Variants in PGC observed in about 807,000 individuals in gnomAD.
PGC encodes progastricsin.
A neutral mutation model predicts 45.9 loss-of-function variants in PGC; 31 were observed. The observed-to-expected ratio is 0.67, with a 90% CI of 0.51 to 0.91. The LOEUF is 0.91. Ranked by LOEUF, PGC falls within the 40% of genes least tolerant of loss-of-function variation. The pLI is 0.00. For synonymous variants in PGC, 192 were observed against 201.8 expected, an observed-to-expected ratio of 0.95 and a Z score of 0.41; for missense variants, 477 against 493.2, an observed-to-expected ratio of 0.97 and a Z score of 0.31.
rs559390047 is a variant in PGC at position 41,741,237 on chromosome 6, C to G, written c.648-627G>C. On this transcript the variant is annotated intron_variant, in intron 5 of 8. Transcript: ENST00000373025. Reference sequence around the variant, plus strand: ...GCTGGGTGGAGCTGCTCTGTTTACACGCAGAGGAATCATAAACAGAGGTGG... The same window carrying G: ...GCTGGGTGGAGCTGCTCTGTTTACAGGCAGAGGAATCATAAACAGAGGTGG... The G allele has an allele frequency of 2.7e-6, 4 of 1,457,178 alleles. No homozygotes were observed. The Admixed American group carries it at 9.9e-5, about 36-fold the overall frequency. 90.3% of individuals were successfully genotyped at this position (1,457,178 alleles called of 1,614,324 possible).
chr6:41,738,264 GC>G (rs1771754282), intron 7 of PGC, among the ~76,000 whole-genome samples: 1 of 47,194 alleles, frequency 2.1e-5, no homozygotes, highest in African/African-American at 9.5e-5. Flanking sequence ...ATATATATAT[GC>G]ACACACACAC....
At chr6:41,737,655 C>T (rs537818153) in intron 8 of PGC, 75 bp downstream of exon 8, 2 of 846,534 alleles carry the variant, frequency 2.4e-6, no homozygotes, top group South Asian at 1.4e-5. Flanking sequence ...GGCAGGAGAC[C>T]CAGCATTTCT....
chr6:41,736,806 G>T lies in PGC; in HGVS notation c.*46C>A. The T allele has an allele frequency of 6.2e-7, 1 of 1,601,500 alleles. No homozygotes were observed. The highest frequency in any genetic ancestry group is 1.7e-4 in the Middle Eastern group (1 of 6,036). On this transcript the variant is annotated 3_prime_UTR_variant, in exon 9 of 9. Coordinates refer to ENST00000373025, the MANE Select transcript of PGC (RefSeq NM_002630.4). ...GACAGATACAATGCCCTAGGAGGGT[G>T]CAGGGTCAAGAGGAAGAGGGGAGCC...
At chr6:41,742,193 G>T in intron 5 of PGC, 97 bp downstream of exon 5, 1 of 1,090,380 alleles carries the variant, frequency 9.2e-7, no homozygotes, top group Non-Finnish European at 1.4e-6. Flanking sequence ...CCGCTGGGAT[G>T]CCTCCAAACC....
intron 4 of PGC, 40 bp downstream of exon 4, chr6:41,743,231 T>A (rs765589522): frequency 8.3e-7 from 1 of 1,208,104 alleles, no homozygotes; most frequent in South Asian, 1.2e-5. Flanking sequence ...CTCCAGCTTA[T>A]AGCTCACAGC....
intron 7 of PGC, 89 bp downstream of exon 7, chr6:41,739,710 C>G: frequency 2.2e-6 from 3 of 1,365,878 alleles, no homozygotes; most frequent in Non-Finnish European, 3.0e-6. Flanking sequence ...TGAGCCACGG[C>G]GCCCAGCTGG....
chr6:41,742,554 T>C, intron 4 of PGC, 65 bp from the exon 5 acceptor site: 1 of 1,198,414 alleles, frequency 8.3e-7, no homozygotes, highest in East Asian at 2.3e-5. Context: ...CAGGTTCCCC[T>C]AGAGACTCCT....
chr6:41,741,100 C>CG, intron 5 of PGC: 1 of 1,537,184 alleles, frequency 6.5e-7, no homozygotes, highest in African/African-American at 1.4e-5. Flanking sequence ...ATCCCCACCC[C>CG]GGCCCAGCTT....
rs139257805 is a variant in PGC, at chr6:41,744,327, T to C, written c.328+70A>G. Reference sequence around the variant, plus strand: ...TCAGTCCTGAGCTCCCTCTGGAAGTTTGGCCCTCCCCAGAGGGTATCAGTG... The same window carrying C: ...TCAGTCCTGAGCTCCCTCTGGAAGTCTGGCCCTCCCCAGAGGGTATCAGTG... On this transcript the variant is annotated intron_variant, in intron 3 of 8. Coordinates refer to ENST00000373025, the MANE Select transcript of PGC (RefSeq NM_002630.4). This position sits in a 1 kb window ranked among gnomAD's most constrained non-coding sequence, Gnocchi z 4.4. 38 of 1,080,812 alleles carry C rather than the reference T, an allele frequency of 3.5e-5. No individual in the cohort carries two copies. The highest frequency in any genetic ancestry group is 7.1e-5 in the East Asian group (3 of 42,026). The allele number at this position is 1,080,812 out of a possible 1,614,324, so 67.0% of individuals were successfully genotyped here. A position where few individuals can be genotyped will look rare whatever the true frequency, so the allele number is the denominator to read the frequency against.
rs372011393 is a variant in PGC at position 41,743,592 on chromosome 6, T to C, written c.329-203A>G. On this transcript the variant is annotated intron_variant, in intron 3 of 8. Transcript: ENST00000373025. Reference sequence around the variant, plus strand: ...CCTTGTCCCCAAAGCCCCTTCTGACTTACAGAATCTTGGGATGCCTCAGGA... The same window carrying C: ...CCTTGTCCCCAAAGCCCCTTCTGACCTACAGAATCTTGGGATGCCTCAGGA... 2.6e-5 allele frequency among the ~76,000 whole-genome samples: 4 copies of C among 152,286 alleles called. No individual in the cohort carries two copies. The South Asian group carries it at 8.3e-4, about 32-fold the overall frequency.
At position 41,747,347 on chromosome 6, in the gene PGC, C is replaced by T; in HGVS notation, c.-13G>A. On this transcript the variant is annotated 5_prime_UTR_variant, in exon 1 of 9. Coordinates refer to ENST00000373025, the MANE Select transcript of PGC (RefSeq NM_002630.4). The stretch of plus-strand genomic sequence containing the variant: ...CCATCCACTTCATGATGCTGGTCCC[C>T]AACTGGCCACAGAGGAAGAGCAGCT... 1 of 1,612,498 alleles carries T rather than the reference C, an allele frequency of 6.2e-7. No individual in the cohort carries two copies. The highest frequency in any genetic ancestry group is 1.1e-5 in the South Asian group (1 of 91,050).
In PGC at chr6:41,744,884, C is replaced by T. The variant is rs1169330739; in HGVS notation, c.60-76G>A. ...CACTCCTCTCTTTCTCTCTCTCCTT[C>T]TCTTAACTGCATGCTTCAACCTCCC... On this transcript the variant is annotated intron_variant, in intron 1 of 8. Coordinates refer to ENST00000373025, the MANE Select transcript of PGC (RefSeq NM_002630.4). This position sits in a 1 kb window ranked among gnomAD's most constrained non-coding sequence, Gnocchi z 4.4. 3 of 1,323,336 alleles carry T rather than the reference C, an allele frequency of 2.3e-6. No homozygotes were observed. Among genetic ancestry groups the T allele is most frequent in the Admixed American group, 2.0e-5 (1 of 49,248 alleles). The allele number at this position is 1,323,336 out of a possible 1,614,324, so 82.0% of individuals were successfully genotyped here. A position where few individuals can be genotyped will look rare whatever the true frequency, so the allele number is the denominator to read the frequency against.
chr6:41,741,729 AC>A, intron 5 of PGC: 2 of 1,089,238 alleles, frequency 1.8e-6, no homozygotes, highest in Non-Finnish European at 2.7e-6. Flanking sequence ...CAGGCCGCTC[AC>A]CCCCACCCAC....
rs181741374 is a variant in PGC, at chr6:41,741,816, A to G, written c.647+474T>C. The G allele has an allele frequency of 2.2e-4, 333 of 1,536,628 alleles. No homozygotes were observed. The African/African-American group carries it at 4.0e-3, about 18-fold the overall frequency. On this transcript the variant is annotated intron_variant, in intron 5 of 8. Transcript: ENST00000373025. Reference sequence around the variant, plus strand: ...ACAACCTGCTAGGGGTCAGCAGTGGACCTAGACCAGAAGACTCCAGGACCA... The same window carrying G: ...ACAACCTGCTAGGGGTCAGCAGTGGGCCTAGACCAGAAGACTCCAGGACCA...
rs1469173734 is a variant in PGC, at chr6:41,744,566, G to T, written c.211-52C>A. 5 of 1,583,838 alleles carry T rather than the reference G, an allele frequency of 3.2e-6. No individual in the cohort carries two copies. In the South Asian group the frequency reaches 3.4e-5, roughly 11 times the overall value. On this transcript the variant is annotated intron_variant, in intron 2 of 8. Coordinates refer to ENST00000373025, the MANE Select transcript of PGC (RefSeq NM_002630.4). This position sits in a 1 kb window ranked among gnomAD's most constrained non-coding sequence, Gnocchi z 4.4. The stretch of plus-strand genomic sequence containing the variant: ...TTCCAGAGGGATCCAGGGGCCCCAG[G>T]CTCCTCCATGGGCAGAGGAGTGAAG...
intron 1 of PGC, among the ~76,000 whole-genome samples, chr6:41,745,022 CGCGT>C (rs1415653720): frequency 1.6e-4 from 25 of 151,568 alleles, no homozygotes; most frequent in East Asian, 9.7e-4. Flanking sequence ...TGTGCGCGCG[CGCGT>C]GTTTCTTCCT....
chr6:41,744,780 G>A lies in PGC; in HGVS notation c.88C>T (p.Arg30Cys), dbSNP rs754252126. 1.1e-5 allele frequency: 17 copies of A among 1,613,942 alleles called. No homozygotes were observed. The highest frequency in any genetic ancestry group is 5.5e-5 in the South Asian group (5 of 91,070). The stretch of plus-strand genomic sequence containing the variant: ...AAGCCCTTCTCCTTCATGGTCTCAC[G>A]GATAGACTTAAATTTCTTCAGGGGC... The part of the protein sequence containing the change: ...KVPLKKFKSI[R>C]ETMKEKGLLG... The change falls in exon 2 of 9, where the codon CGT becomes TGT. Residue 30 changes from arginine (R) to cysteine (C), a missense_variant. Coordinates refer to ENST00000373025, the MANE Select transcript of PGC (RefSeq NM_002630.4). This position sits in a 1 kb window ranked among gnomAD's most constrained non-coding sequence, Gnocchi z 4.4.
At chr6:41,738,122 A>G (rs865949350) in intron 7 of PGC, among the ~76,000 whole-genome samples, 1 of 127,688 alleles carries the variant, frequency 7.8e-6, no homozygotes, top group Non-Finnish European at 1.7e-5. Context: ...GTGCCTATAT[A>G]CATATATATG....
rs980789861 is a variant in PGC at position 41,744,061 on chromosome 6, GTGGGATGGAA to G, written c.328+326_328+335del. Among the ~76,000 whole-genome samples, 1 of 152,162 alleles carries G rather than the reference GTGGGATGGAA, an allele frequency of 6.6e-6. No homozygotes were observed. Among genetic ancestry groups the G allele is most frequent in the Non-Finnish European group, 1.5e-5 (1 of 68,026 alleles). On this transcript the variant is annotated intron_variant, in intron 3 of 8. Coordinates refer to ENST00000373025, the MANE Select transcript of PGC (RefSeq NM_002630.4). The surrounding 1 kb of genome is among the most constrained non-coding windows in gnomAD (Gnocchi z 4.4). ...ATGGAGTAGAATGGAGTGGGATGGA[GTGGGATGGAA>G]TGGACTGGAAATTAGTCACATGGAA... is the stretch of plus-strand genomic sequence containing the variant.
Sources: allele counts gnomAD v4.1 joint callset (sites outside exome capture counted in the v4.1 genomes callset), GRCh38; gene constraint gnomAD v4.1.1; non-coding constraint Gnocchi (gnomAD v3.1); transcripts MANE v1.5; gene names NCBI Gene and HGNC (gene_info 2026-07-23, HGNC 2026-07-21).